Variants in IQSEC1 observed in about 807,000 individuals in gnomAD.
IQSEC1 encodes the protein IQ motif and Sec7 domain ArfGEF 1.
A neutral mutation model predicts 91.0 loss-of-function variants in IQSEC1; 31 were observed. The observed-to-expected ratio is 0.34, with a 90% CI of 0.26 to 0.46. IQSEC1 has a LOEUF of 0.46. Ranked by LOEUF, IQSEC1 falls within the 20% of genes least tolerant of loss-of-function variation. IQSEC1 has a pLI of 1.00. For synonymous variants in IQSEC1, 699 were observed against 662.6 expected (o/e 1.05, Z -0.84); for missense variants, 1,388 against 1,575.6 (o/e 0.88, Z 2.02).
intron 1 of IQSEC1, among the ~76,000 whole-genome samples, chr3:13,001,455 C>T (rs1209671908): frequency 6.6e-6 from 1 of 152,172 alleles, no homozygotes; most frequent in East Asian, 1.9e-4. Flanking sequence ...CTCCATCAGG[C>T]CCCACCTTTT....
intron 1 of IQSEC1, among the ~76,000 whole-genome samples, chr3:12,946,374 G>A (rs1699182183): frequency 6.6e-6 from 1 of 152,226 alleles, no homozygotes; most frequent in Admixed American, 6.5e-5. Context: ...TGCAGACCAA[G>A]GAATGGGCCG....
intron 1 of IQSEC1, among the ~76,000 whole-genome samples, chr3:13,276,835 A>G (rs1695691262): frequency 6.6e-6 from 1 of 152,146 alleles, no homozygotes. Context: ...GCTACCTCAG[A>G]GCTTCAAGTC....
At chr3:13,122,351 G>A (rs1706440029) in intron 2 of IQSEC1, among the ~76,000 whole-genome samples, 1 of 152,276 alleles carries the variant, frequency 6.6e-6, no homozygotes, top group African/African-American at 2.4e-5. Flanking sequence ...GGCCCCGAGT[G>A]CCCCTTGAGG....
At chr3:13,182,006 T>C (rs1185565684) in intron 1 of IQSEC1, among the ~76,000 whole-genome samples, 1 of 152,218 alleles carries the variant, frequency 6.6e-6, no homozygotes, top group Non-Finnish European at 1.5e-5. Flanking sequence ...AACATTTATA[T>C]GTTTAGTGAA....
At position 12,936,131 on chromosome 3, in the gene IQSEC1, C is replaced by T. The variant is rs151018442; in HGVS notation, c.885G>A (p.Glu295=). 3.7e-3 allele frequency: 5,888 copies of T among 1,612,312 alleles called. 17 individuals are homozygous for T. The highest frequency in any genetic ancestry group is 4.6e-3 in the Non-Finnish European group (5,428 of 1,179,872). The part of the protein sequence containing the change: ...SYSDVTLYID[E]EELSPPLPLS... ...GGGGCAGAGGGGGCGACAGCTCCTC[C>T]TCATCGATGTACAGGGTGACATCAC... The change falls in exon 3 of 14, where the codon GAG becomes GAA. Residue 295 remains glutamate (E), a synonymous_variant. Transcript: ENST00000613206.
At chr3:13,092,170 G>A (rs1259408729) in intron 2 of IQSEC1, among the ~76,000 whole-genome samples, 3 of 152,214 alleles carry the variant, frequency 2.0e-5, no homozygotes, top group African/African-American at 7.2e-5. Flanking sequence ...CTAGGGCTAA[G>A]CAAGCCAGCA....
In IQSEC1 at chr3:13,024,663, C is replaced by T. The variant is rs1270888472; in HGVS notation, c.23+48329G>A. On this transcript the variant is annotated intron_variant, in intron 1 of 13. Coordinates refer to ENST00000613206, the MANE Select transcript of IQSEC1 (RefSeq NM_001134382.3). Reference sequence around the variant, plus strand: ...TCCGTCCATCATCCATCCACCCATCCGTCCATCCATCCACCCATCTATCCA... The same window carrying T: ...TCCGTCCATCATCCATCCACCCATCTGTCCATCCATCCACCCATCTATCCA... 2.7e-5 allele frequency among the ~76,000 whole-genome samples: 4 copies of T among 150,872 alleles called. No individual in the cohort carries two copies. In the East Asian group the frequency reaches 5.8e-4, roughly 22 times the overall value.
At chr3:13,149,892 G>A (rs1428492186) in intron 2 of IQSEC1, among the ~76,000 whole-genome samples, 1 of 152,188 alleles carries the variant, frequency 6.6e-6, no homozygotes, top group African/African-American at 2.4e-5. Context: ...TGTCTTCAAA[G>A]TTTATAGGAA....
In IQSEC1 at chr3:12,899,993, T is replaced by C; in HGVS notation, c.*990A>G. On this transcript the variant is annotated 3_prime_UTR_variant, in exon 14 of 14. Transcript: ENST00000613206. ...AAACATGGATCATGGAGAGTCACAG[T>C]TATCGCAGCCATTAAAGTGTCTAAG... The C allele has an allele frequency of 1.0e-6, 1 of 985,370 alleles. No individual in the cohort carries two copies. 61.0% of individuals were successfully genotyped at this position (985,370 alleles called of 1,614,324 possible).
chr3:13,011,705 T>G (rs541761425), intron 1 of IQSEC1, among the ~76,000 whole-genome samples: 2 of 152,280 alleles, frequency 1.3e-5, no homozygotes, highest in Admixed American at 6.5e-5. Flanking sequence ...TGGGGGCCTC[T>G]GGCGTCACAT....
chr3:13,137,045 A>G (rs569321517), intron 2 of IQSEC1, among the ~76,000 whole-genome samples: 2 of 152,292 alleles, frequency 1.3e-5, no homozygotes, highest in African/African-American at 4.8e-5. Context: ...CTGAGGCAGG[A>G]GGATCGCTTT....
chr3:13,111,407 C>T (rs1576255031), intron 2 of IQSEC1, among the ~76,000 whole-genome samples: 3 of 152,138 alleles, frequency 2.0e-5, no homozygotes, highest in East Asian at 3.9e-4. Flanking sequence ...CTGATGGGGC[C>T]GAGGCTGCAG....
chr3:13,165,151 C>T (rs1242604225), intron 1 of IQSEC1, among the ~76,000 whole-genome samples: 1 of 152,172 alleles, frequency 6.6e-6, no homozygotes, highest in Non-Finnish European at 1.5e-5. Context: ...CAGGTAGTCC[C>T]CAGCAATGTG....
At chr3:13,258,067 G>C (rs1204540431) in intron 1 of IQSEC1, among the ~76,000 whole-genome samples, 2 of 152,236 alleles carry the variant, frequency 1.3e-5, no homozygotes, top group Non-Finnish European at 2.9e-5. Flanking sequence ...AGGTGACCTG[G>C]AGGGAGAGAG....
intron 1 of IQSEC1, among the ~76,000 whole-genome samples, chr3:12,968,314 A>G (rs1700738069): frequency 6.6e-6 from 1 of 152,126 alleles, no homozygotes; most frequent in Non-Finnish European, 1.5e-5. Context: ...TTTTGGGGGA[A>G]GATCTAATGG....
rs1298776242 is a variant in IQSEC1, at chr3:13,211,219, A to T, written c.273-47086T>A. ...GCACAGCCTGAAGAAATGAGGATCC[A>T]GCCTCTGCTTTCACACCTGTGATGA... is the stretch of plus-strand genomic sequence containing the variant. On this transcript the variant is annotated intron_variant, in intron 1 of 15. Transcript: ENST00000648114. This position sits in a 1 kb window ranked among gnomAD's most constrained non-coding sequence, Gnocchi z 5.3. 6.6e-6 allele frequency among the ~76,000 whole-genome samples: 1 copy of T among 152,232 alleles called. No homozygotes were observed. The highest frequency in any genetic ancestry group is 1.5e-5 in the Non-Finnish European group (1 of 68,026).
At position 12,924,106 on chromosome 3, in the gene IQSEC1, C is replaced by A. The variant is rs999994446; in HGVS notation, c.1730+475G>T. Among the ~76,000 whole-genome samples, 1 of 152,130 alleles carries A rather than the reference C, an allele frequency of 6.6e-6. No individual in the cohort carries two copies. Among genetic ancestry groups the A allele is most frequent in the Non-Finnish European group, 1.5e-5 (1 of 68,008 alleles). ...CAGGTCACTTGATCTGACTCCCCACCACTCTCCCCAGGGGTGAGTCAGGAG... is the reference window on the plus strand; with the variant it reads ...CAGGTCACTTGATCTGACTCCCCACAACTCTCCCCAGGGGTGAGTCAGGAG... On this transcript the variant is annotated intron_variant, in intron 4 of 13. Transcript: ENST00000613206. The surrounding 1 kb of genome is among the most constrained non-coding windows in gnomAD (Gnocchi z 6.3).
In IQSEC1 at chr3:12,949,732, G is replaced by A. The variant is rs182751325; in HGVS notation, c.24-7867C>T. Among the ~76,000 whole-genome samples the A allele has an allele frequency of 2.6e-3, 393 of 152,290 alleles. 3 individuals are homozygous for A. The highest frequency in any genetic ancestry group is 9.0e-3 in the African/African-American group (376 of 41,562). ...ATCTTCACCTCTATGCCCCCGTCTC[G>A]GGGAGGGATGGGACACAGCCAGGCA... On this transcript the variant is annotated intron_variant, in intron 1 of 13. Transcript: ENST00000613206.
At chr3:13,235,221 A>C (rs534835886) in intron 1 of IQSEC1, among the ~76,000 whole-genome samples, 1 of 152,150 alleles carries the variant, frequency 6.6e-6, no homozygotes, top group Admixed American at 6.5e-5. Context: ...TGGGCCCCTC[A>C]GTCAGGGCTT....
Sources: allele counts gnomAD v4.1 joint callset (sites outside exome capture counted in the v4.1 genomes callset), GRCh38; gene constraint gnomAD v4.1.1; non-coding constraint Gnocchi (gnomAD v3.1); transcripts MANE v1.5; gene names NCBI Gene and HGNC (gene_info 2026-07-23, HGNC 2026-07-21).